The following SLC25A13 variants were observed in gnomAD, a reference collection of about 807,000 sequenced individuals.
SLC25A13 encodes the protein solute carrier family 25 member 13, also known as electrogenic aspartate/glutamate antiporter SLC25A13, mitochondrial.
Under a neutral mutation model 85.5 loss-of-function variants are expected in SLC25A13, and 70 were observed. The observed-to-expected ratio is 0.82, with a 90% CI of 0.68 to 1.00. The LOEUF is 1.00. Among genes scored for constraint, SLC25A13 ranks in the 50% least tolerant of loss-of-function variants. The pLI, the probability that SLC25A13 is intolerant of heterozygous loss-of-function variation, is 0.00. For synonymous variants in SLC25A13, 259 were observed against 288.7 expected, an observed-to-expected ratio of 0.90 and a Z score of 1.04; for missense variants, 765 against 819.8, an observed-to-expected ratio of 0.93 and a Z score of 0.82.
intron 3 of SLC25A13, among the ~76,000 whole-genome samples, chr7:96,247,213 C>T (rs1797225168): frequency 1.3e-5 from 2 of 152,162 alleles, no homozygotes; most frequent in Non-Finnish European, 2.9e-5. Flanking sequence ...CACTGAATAT[C>T]ATTAGGTGTC....
chr7:96,184,206 A>G, intron 11 of SLC25A13, 71 bp downstream of exon 11: 1 of 1,549,904 alleles, frequency 6.5e-7, no homozygotes, highest in Admixed American at 1.7e-5. Context: ...AATTCATGTC[A>G]GGCACTAAGA....
intron 4 of SLC25A13, among the ~76,000 whole-genome samples, chr7:96,227,239 T>G (rs892763311): frequency 5.9e-5 from 9 of 152,310 alleles, no homozygotes; most frequent in African/African-American, 2.2e-4. Flanking sequence ...CTTTCAAAAT[T>G]TGTAGTGTTC....
At chr7:96,314,834 T>C (rs533348860) in intron 1 of SLC25A13, among the ~76,000 whole-genome samples, 1 of 152,288 alleles carries the variant, frequency 6.6e-6, no homozygotes, top group East Asian at 1.9e-4. Context: ...CCTGACTTTT[T>C]TACGCTACAT....
intron 15 of SLC25A13, 28 bp downstream of exon 15, chr7:96,131,715 G>A: frequency 6.2e-7 from 1 of 1,613,464 alleles, no homozygotes; most frequent in Non-Finnish European, 8.5e-7. Context: ...GGTCAGGGAA[G>A]TAAGAGAACT....
chr7:96,230,971 C>T (rs1027352259), intron 4 of SLC25A13, among the ~76,000 whole-genome samples: 4 of 152,112 alleles, frequency 2.6e-5, no homozygotes, highest in Non-Finnish European at 5.9e-5. Context: ...ATCAGCCAGG[C>T]ATGGTGGTGC....
At chr7:96,306,672 C>G (rs572173463) in intron 1 of SLC25A13, 1 of 728,166 alleles carries the variant, frequency 1.4e-6, no homozygotes, top group Admixed American at 3.2e-5. Flanking sequence ...TCTTCTTCTC[C>G]TAGGATGGGA....
chr7:96,131,634 T>C (rs1792032933), intron 15 of SLC25A13, 109 bp downstream of exon 15: 1 of 1,419,774 alleles, frequency 7.0e-7, no homozygotes, highest in East Asian at 2.3e-5. Flanking sequence ...AACTCACACA[T>C]ACCCTGTCAA....
intron 7 of SLC25A13, among the ~76,000 whole-genome samples, chr7:96,190,432 T>C (rs1024511196): frequency 6.6e-6 from 1 of 151,902 alleles, no homozygotes; most frequent in Non-Finnish European, 1.5e-5. Context: ...GATAATATCC[T>C]GTCCCAAGCC....
At chr7:96,210,081 AG>A (rs1367777481) in intron 4 of SLC25A13, among the ~76,000 whole-genome samples, 1 of 152,132 alleles carries the variant, frequency 6.6e-6, no homozygotes, top group Non-Finnish European at 1.5e-5. Flanking sequence ...TTATACCCAC[AG>A]TTTTTATTCC....
chr7:96,135,923 G>A (rs1373171116), intron 14 of SLC25A13, among the ~76,000 whole-genome samples: 18 of 142,058 alleles, frequency 1.3e-4, no homozygotes, highest in Non-Finnish European at 2.4e-4. Context: ...TTCTCTGATT[G>A]GTCCTGAATT....
At chr7:96,233,254 G>A (rs1040068888) in intron 4 of SLC25A13, among the ~76,000 whole-genome samples, 2 of 152,154 alleles carry the variant, frequency 1.3e-5, no homozygotes, top group Non-Finnish European at 2.9e-5. Context: ...CCCAGGAAAC[G>A]CTATTATAAC....
chr7:96,202,212 A>T (rs1216982713), intron 5 of SLC25A13, among the ~76,000 whole-genome samples: 3 of 152,174 alleles, frequency 2.0e-5, no homozygotes, highest in African/African-American at 7.2e-5. Flanking sequence ...GAGGACAAGG[A>T]TCCTTACTAA....
At chr7:96,294,831 A>AT (rs999042671) in intron 2 of SLC25A13, among the ~76,000 whole-genome samples, 14 of 151,960 alleles carry the variant, frequency 9.2e-5, no homozygotes, top group African/African-American at 1.2e-4. Flanking sequence ...CAGAATCCTG[A>AT]TTTTTTATGT....
At chr7:96,144,251 C>T (rs1200909048) in intron 14 of SLC25A13, among the ~76,000 whole-genome samples, 3 of 152,048 alleles carry the variant, frequency 2.0e-5, no homozygotes, top group Admixed American at 1.3e-4. Context: ...AAATGAGGAC[C>T]AACCAGACTT....
chr7:96,236,252 G>A (rs1436246068), intron 3 of SLC25A13, among the ~76,000 whole-genome samples: 1 of 152,086 alleles, frequency 6.6e-6, no homozygotes. Context: ...GGAAGAGCAT[G>A]TGTTACAGGG....
At chr7:96,238,301 G>C (rs1796819360) in intron 3 of SLC25A13, among the ~76,000 whole-genome samples, 2 of 152,026 alleles carry the variant, frequency 1.3e-5, no homozygotes, top group Non-Finnish European at 1.5e-5. Context: ...AAGAAGCACG[G>C]AACAGATTCT....
intron 13 of SLC25A13, among the ~76,000 whole-genome samples, chr7:96,160,848 G>A (rs1206609238): frequency 6.6e-6 from 1 of 152,194 alleles, no homozygotes; most frequent in Non-Finnish European, 1.5e-5. Flanking sequence ...GAGTAGGCAA[G>A]CAGTGGAACT....
chr7:96,278,021 G>A (rs1017678743), intron 2 of SLC25A13, among the ~76,000 whole-genome samples: 1 of 152,190 alleles, frequency 6.6e-6, no homozygotes, highest in East Asian at 1.9e-4. Context: ...TTACCATGCA[G>A]AAATGCTCAG....
At chr7:96,252,586 A>G (rs2116870772) in intron 3 of SLC25A13, among the ~76,000 whole-genome samples, 1 of 152,326 alleles carries the variant, frequency 6.6e-6, no homozygotes, top group South Asian at 2.1e-4. Flanking sequence ...AAAAGTAGTT[A>G]GGAAAAACTA....
Sources: gnomAD v4.1 joint callset for allele counts (sites outside exome capture counted in the v4.1 genomes callset) on GRCh38, gnomAD v4.1.1 for gene constraint, MANE v1.5 for transcripts, NCBI Gene and HGNC (gene_info 2026-07-23, HGNC 2026-07-21) for gene names.